SPHKAP: variants seen among roughly 807,000 people sequenced by gnomAD.
The protein encoded by SPHKAP is SPHK1 interactor, AKAP domain containing.
In SPHKAP, 67 loss-of-function variants were observed where a neutral mutation model predicts 137.5. The ratio of observed to expected loss-of-function variants is 0.49; its 90% CI spans 0.40 to 0.60. SPHKAP has a LOEUF of 0.60. Among genes scored for constraint, SPHKAP ranks in the 20% least tolerant of loss-of-function variants. The pLI is 0.00. For missense variants in SPHKAP, 2,097 were observed against 2,069.3 expected, an observed-to-expected ratio of 1.01 and a Z score of -0.26; for synonymous variants, 813 against 785.3, an observed-to-expected ratio of 1.04 and a Z score of -0.59.
rs761576484 is a variant in SPHKAP at position 228,018,864 on chromosome 2, T to TGAC, written c.1987_1989dup (p.Val663dup). On this transcript the variant is annotated inframe_insertion, in exon 7 of 12. Transcript: ENST00000392056. Reference sequence around the variant, plus strand: ...GACAGGGTATGTGCCAGTTCATTCCTGACGACATTTTCTGAGCACAGGGTC... The same window carrying TGAC: ...GACAGGGTATGTGCCAGTTCATTCCTGACGACGACATTTTCTGAGCACAGGGTC... 1.9e-6 allele frequency: 3 copies of TGAC among 1,614,230 alleles called. No individual in the cohort carries two copies. Among genetic ancestry groups the TGAC allele is most frequent in the Non-Finnish European group, 1.7e-6 (2 of 1,180,038 alleles).
chr2:228,129,451 G>A (rs1483175092), intron 2 of SPHKAP, among the ~76,000 whole-genome samples: 1 of 152,118 alleles, frequency 6.6e-6, no homozygotes, highest in Non-Finnish European at 1.5e-5. Context: ...CCCAAACCAT[G>A]CTGTGAATTC....
intron 3 of SPHKAP, among the ~76,000 whole-genome samples, chr2:228,031,994 C>T (rs1403980932): frequency 1.7e-4 from 26 of 152,298 alleles, no homozygotes; most frequent in African/African-American, 1.4e-4. Flanking sequence ...TCCAAAGGAA[C>T]GCAGCTCCTC....
chr2:227,981,566 T>G lies in SPHKAP; in HGVS notation c.*151A>C. The G allele has an allele frequency of 1.0e-6, 1 of 997,054 alleles. No individual in the cohort carries two copies. Among genetic ancestry groups the G allele is most frequent in the Non-Finnish European group, 1.4e-6 (1 of 709,198 alleles). The allele number at this position is 997,054 out of a possible 1,614,324, so 61.8% of individuals were successfully genotyped here. On this transcript the variant is annotated 3_prime_UTR_variant, in exon 12 of 12. Coordinates refer to ENST00000392056, the MANE Select transcript of SPHKAP (RefSeq NM_001142644.2). ...ATATTTTGCTTTTCCTCTGACTTAT[T>G]CTGTATGCAGTGGATCTGAGTAGCA...
intron 3 of SPHKAP, among the ~76,000 whole-genome samples, chr2:228,053,318 A>G (rs925530558): frequency 6.6e-6 from 1 of 152,196 alleles, no homozygotes; most frequent in South Asian, 2.1e-4. Context: ...AATAGGCCCT[A>G]TTTCCAAATA....
chr2:227,982,039 TTCA>T (rs1428223167), intron 11 of SPHKAP, 179 bp from the exon 12 acceptor site: 1 of 969,748 alleles, frequency 1.0e-6, no homozygotes, highest in African/African-American at 1.9e-5. Context: ...ATTACCGAAC[TTCA>T]TCAAGTGAAT....
intron 3 of SPHKAP, among the ~76,000 whole-genome samples, chr2:228,086,158 C>CA (rs139645859): frequency 0.018 from 2,665 of 149,832 alleles, 82 homozygotes; most frequent in African/African-American, 0.061. Context: ...AGTGAAACAA[C>CA]AAAAAAAAAT....
chr2:228,053,366 C>T (rs761735233), intron 3 of SPHKAP, among the ~76,000 whole-genome samples: 5 of 152,208 alleles, frequency 3.3e-5, no homozygotes, highest in African/African-American at 4.8e-5. Context: ...ATATTAATTT[C>T]ACAGGAATGC....
At chr2:228,142,658 C>T (rs576424957) in intron 1 of SPHKAP, among the ~76,000 whole-genome samples, 5 of 152,104 alleles carry the variant, frequency 3.3e-5, no homozygotes, top group South Asian at 4.1e-4. Flanking sequence ...CAAGAGCATA[C>T]GGACACCTAG....
At chr2:228,103,916 A>G (rs1377827915) in intron 3 of SPHKAP, among the ~76,000 whole-genome samples, 1 of 152,094 alleles carries the variant, frequency 6.6e-6, no homozygotes, top group Admixed American at 6.6e-5. Flanking sequence ...TCTGCAATCC[A>G]TTCTCTGGTG....
intron 3 of SPHKAP, among the ~76,000 whole-genome samples, chr2:228,031,260 C>T (rs1292092062): frequency 6.6e-6 from 1 of 152,198 alleles, no homozygotes; most frequent in Non-Finnish European, 1.5e-5. Flanking sequence ...CATGGAGTCT[C>T]CCTGATTGCT....
intron 3 of SPHKAP, among the ~76,000 whole-genome samples, chr2:228,067,361 T>C (rs1235313949): frequency 6.6e-6 from 1 of 152,184 alleles, no homozygotes; most frequent in Non-Finnish European, 1.5e-5. Context: ...AATCTCAATA[T>C]CAAGCAAACA....
chr2:228,102,056 A>G (rs1394529176), intron 3 of SPHKAP, among the ~76,000 whole-genome samples: 1 of 152,232 alleles, frequency 6.6e-6, no homozygotes, highest in African/African-American at 2.4e-5. Context: ...AATAAATGGT[A>G]TAATAGTTAT....
intron 1 of SPHKAP, among the ~76,000 whole-genome samples, chr2:228,166,086 T>G (rs1439946172): frequency 1.3e-5 from 2 of 152,160 alleles, no homozygotes. Flanking sequence ...ACGAGGACTA[T>G]GACATGATAG....
chr2:228,090,767 C>T (rs1049272265), intron 3 of SPHKAP, among the ~76,000 whole-genome samples: 5 of 151,894 alleles, frequency 3.3e-5, no homozygotes, highest in African/African-American at 4.8e-5. Context: ...TGAGCACCCC[C>T]TAGCTTGTTC....
intron 2 of SPHKAP, among the ~76,000 whole-genome samples, chr2:228,110,964 T>A (rs1375381151): frequency 6.6e-6 from 1 of 152,142 alleles, no homozygotes; most frequent in Non-Finnish European, 1.5e-5. Flanking sequence ...AATAAAAAAT[T>A]TTCTTAGCTT....
At chr2:227,997,083 T>A (rs905501924) in intron 7 of SPHKAP, among the ~76,000 whole-genome samples, 1 of 152,150 alleles carries the variant, frequency 6.6e-6, no homozygotes, top group African/African-American at 2.4e-5. Flanking sequence ...TTTCAAAACC[T>A]TCTTAACCCT....
chr2:228,111,385 GA>G (rs1698511235), intron 2 of SPHKAP, among the ~76,000 whole-genome samples: 1 of 152,128 alleles, frequency 6.6e-6, no homozygotes, highest in Admixed American at 6.6e-5. Flanking sequence ...CTGTGCCATG[GA>G]AACGGTAAGC....
intron 1 of SPHKAP, among the ~76,000 whole-genome samples, chr2:228,151,687 G>A (rs973422327): frequency 6.6e-6 from 1 of 152,052 alleles, no homozygotes; most frequent in Non-Finnish European, 1.5e-5. Flanking sequence ...AAATTTTTTT[G>A]TAGTGATGGG....
chr2:228,137,740 G>T lies in SPHKAP; in HGVS notation c.33-5655C>A, dbSNP rs116744380. On this transcript the variant is annotated intron_variant, in intron 1 of 11. Transcript: ENST00000392056. ...ATCTTGAGCAAGGAATTGAGATGTT[G>T]TCATTAAAATCAATTTAACAACATA... is the stretch of plus-strand genomic sequence containing the variant. Among the ~76,000 whole-genome samples, 835 of 152,220 alleles carry T rather than the reference G, an allele frequency of 5.5e-3. 10 individuals carry two copies. Among genetic ancestry groups the T allele is most frequent in the African/African-American group, 0.019 (786 of 41,546 alleles).
Sources: allele counts gnomAD v4.1 joint callset (sites outside exome capture counted in the v4.1 genomes callset), GRCh38; gene constraint gnomAD v4.1.1; transcripts MANE v1.5; gene names NCBI Gene and HGNC (gene_info 2026-07-23, HGNC 2026-07-21).